RPGRIP1: variants seen among roughly 807,000 people sequenced by gnomAD.
RPGRIP1 encodes X-linked retinitis pigmentosa GTPase regulator-interacting protein 1.
Under a neutral mutation model 157.9 loss-of-function variants are expected in RPGRIP1, and 128 were observed. The observed-to-expected ratio is 0.81, with a 90% CI of 0.70 to 0.94. The LOEUF is 0.94. Among genes scored for constraint, RPGRIP1 ranks in the 40% least tolerant of loss-of-function variants. The probability of loss-of-function intolerance (pLI) is 0.00; values close to 1 mark genes in which losing one functional copy is unlikely to be tolerated. For synonymous variants in RPGRIP1, 554 were observed against 571.6 expected, an observed-to-expected ratio of 0.97 and a Z score of 0.44; for missense variants, 1,486 against 1,545.8, an observed-to-expected ratio of 0.96 and a Z score of 0.65.
intron 14 of RPGRIP1, among the ~76,000 whole-genome samples, chr14:21,322,481 G>A (rs976573973): frequency 6.6e-6 from 1 of 152,102 alleles, no homozygotes; most frequent in African/African-American, 2.4e-5. Context: ...TTTAATACAT[G>A]TTAGCAGCTT....
chr14:21,340,755 T>C (rs1884914243), intron 21 of RPGRIP1, among the ~76,000 whole-genome samples: 1 of 152,160 alleles, frequency 6.6e-6, no homozygotes, highest in African/African-American at 2.4e-5. Flanking sequence ...AGAAATACAT[T>C]TCTGCAGTAT....
chr14:21,310,556 TAA>T, intron 7 of RPGRIP1, 26 bp from the exon 8 acceptor site: 7 of 1,186,940 alleles, frequency 5.9e-6, no homozygotes, highest in Admixed American at 3.1e-5. Context: ...GATAAATCAA[TAA>T]AATAATAATA....
At chr14:21,281,650 C>T (rs1437111727) in intron 1 of RPGRIP1, among the ~76,000 whole-genome samples, 1 of 148,586 alleles carries the variant, frequency 6.7e-6, no homozygotes, top group Non-Finnish European at 1.5e-5. Context: ...GAGCATACCG[C>T]TGTACTCCAG....
intron 21 of RPGRIP1, among the ~76,000 whole-genome samples, chr14:21,335,046 C>CAAAAA: frequency 3.6e-5 from 1 of 28,044 alleles, no homozygotes; most frequent in Non-Finnish European, 7.4e-5. Flanking sequence ...AACTCTGTCT[C>CAAAAA]AAAAAAAAAA....
intron 1 of RPGRIP1, among the ~76,000 whole-genome samples, chr14:21,280,803 C>A (rs1594366132): frequency 6.6e-6 from 1 of 151,930 alleles, no homozygotes; most frequent in Non-Finnish European, 1.5e-5. Flanking sequence ...ATTTCCAAAT[C>A]ACTAATAGTA....
At chr14:21,290,988 G>C (rs1221612561) in intron 2 of RPGRIP1, among the ~76,000 whole-genome samples, 1 of 146,082 alleles carries the variant, frequency 6.8e-6, no homozygotes, top group African/African-American at 2.5e-5. Context: ...GTGACAGAGC[G>C]AGACTCCATC....
chr14:21,317,559 G>T, intron 10 of RPGRIP1, 137 bp from the exon 11 acceptor site: 1 of 1,529,072 alleles, frequency 6.5e-7, no homozygotes, highest in South Asian at 1.2e-5. Flanking sequence ...TGACAGTTAT[G>T]AATAAAGCAA....
intron 14 of RPGRIP1, chr14:21,324,062 C>G (rs1342743266): frequency 6.1e-6 from 1 of 163,274 alleles, no homozygotes; most frequent in Non-Finnish European, 1.3e-5. Flanking sequence ...CTCCATTACT[C>G]TTTAACTTAT....
chr14:21,321,614 C>T (rs753757369), intron 13 of RPGRIP1: 77 of 1,127,564 alleles, frequency 6.8e-5, no homozygotes, highest in Non-Finnish European at 9.1e-5. Context: ...GGGGCCAGCC[C>T]ATGCCAATGG....
rs1881695526 is a variant in RPGRIP1, at chr14:21,314,713, C to CA, written c.1151+2207_1151+2208insA. Among the ~76,000 whole-genome samples the CA allele has an allele frequency of 7.8e-5, 7 of 89,404 alleles. No homozygotes were observed. In the South Asian group the frequency reaches 1.7e-3, roughly 22 times the overall value. 58.7% of individuals were successfully genotyped at this position (89,404 alleles called of 152,430 possible). ...GGGCAACAAGAGCAAAACTCTGTCTCGAAAAAAAAAAAAAAAATAGCCGGG... is the reference window on the plus strand; with the variant it reads ...GGGCAACAAGAGCAAAACTCTGTCTCAGAAAAAAAAAAAAAAAATAGCCGGG... On this transcript the variant is annotated intron_variant, in intron 10 of 24. Transcript: ENST00000400017.
intron 3 of RPGRIP1, 31 bp downstream of exon 3, chr14:21,294,840 T>A (rs1332179902): frequency 4.3e-6 from 3 of 700,062 alleles, no homozygotes; most frequent in Non-Finnish European, 5.5e-6. Flanking sequence ...ATTTTTTTTT[T>A]TTTTTTTTTT....
intron 1 of RPGRIP1, among the ~76,000 whole-genome samples, chr14:21,281,853 GGGAGACCGAGGCTGGC>G (rs1272727879): frequency 6.6e-6 from 1 of 151,738 alleles, no homozygotes; most frequent in East Asian, 1.9e-4. Flanking sequence ...CCAGCACGTT[GGGAGACCGAGGCTGGC>G]GGATCCCAAG....
Position 21,325,857 on chromosome 14 carries a change from G to C in RPGRIP1, c.2394G>C (p.Gln798His). 1.2e-6 allele frequency: 2 copies of C among 1,613,464 alleles called. No individual in the cohort carries two copies. The highest frequency in any genetic ancestry group is 8.5e-7 in the Non-Finnish European group (1 of 1,179,440). The change falls in exon 17 of 25, where the codon CAG becomes CAC. Residue 798 changes from glutamine (Q) to histidine (H), a missense_variant. Physicochemically the swap from Gln to His is conservative, Grantham distance 24. Coordinates refer to ENST00000400017, the MANE Select transcript of RPGRIP1 (RefSeq NM_020366.4). ...TCAGATCGGAGTCTTGGGAACCTCAGAACGAGCTGTGGATTGAAATCACCA... is the reference window on the plus strand; with the variant it reads ...TCAGATCGGAGTCTTGGGAACCTCACAACGAGCTGTGGATTGAAATCACCA... ...EEFRSESWEP[Q>H]NELWIEITKC...
intron 1 of RPGRIP1, among the ~76,000 whole-genome samples, chr14:21,285,826 G>T (rs1880279328): frequency 6.6e-6 from 1 of 151,934 alleles, no homozygotes; most frequent in South Asian, 2.1e-4. Flanking sequence ...GCAAAGAAAT[G>T]TTATGAACTG....
chr14:21,290,717 G>A (rs1048787109), intron 2 of RPGRIP1, among the ~76,000 whole-genome samples: 1 of 152,086 alleles, frequency 6.6e-6, no homozygotes, highest in South Asian at 2.1e-4. Context: ...TACGTGGGAG[G>A]CTGAGGCAGG....
At chr14:21,290,883 T>C (rs1223344373) in intron 2 of RPGRIP1, among the ~76,000 whole-genome samples, 2 of 145,058 alleles carry the variant, frequency 1.4e-5, no homozygotes, top group African/African-American at 2.6e-5. Flanking sequence ...ACACCTGTAG[T>C]CCCAGTATTT....
At chr14:21,295,132 C>T (rs1408838401) in intron 3 of RPGRIP1, among the ~76,000 whole-genome samples, 1 of 152,040 alleles carries the variant, frequency 6.6e-6, no homozygotes, top group Non-Finnish European at 1.5e-5. Context: ...ATGCGAGCCA[C>T]TCTGCCCGGC....
At chr14:21,326,964 A>G (rs551559866) in intron 17 of RPGRIP1, among the ~76,000 whole-genome samples, 1 of 151,936 alleles carries the variant, frequency 6.6e-6, no homozygotes, top group South Asian at 2.1e-4. Flanking sequence ...AGAGGGGTCA[A>G]CTCTTTGACT....
chr14:21,321,369 T>A lies in RPGRIP1; in HGVS notation c.1578T>A (p.Leu526=), dbSNP rs371653245. ...AACTAGAAAAGACCAGGGACATGCT[T>A]ATTCTGCAGCGCAAAATCAACGTGT... ...TLELEKTRDM[L]ILQRKINVCY... is the part of the protein sequence containing the mutation. Residue 526 remains leucine, a synonymous_variant, in exon 13 of 25, where the codon CTT becomes CTA. Transcript: ENST00000400017. 3.1e-6 allele frequency: 5 copies of A among 1,612,766 alleles called. No individual in the cohort carries two copies. Among genetic ancestry groups the A allele is most frequent in the Non-Finnish European group, 4.2e-6 (5 of 1,179,610 alleles).
Sources: allele counts gnomAD v4.1 joint callset (sites outside exome capture counted in the v4.1 genomes callset), GRCh38; gene constraint gnomAD v4.1.1; transcripts MANE v1.5; gene names NCBI Gene and HGNC (gene_info 2026-07-23, HGNC 2026-07-21).